Variants in ODAD1 observed in about 807,000 individuals in gnomAD.
The protein encoded by ODAD1 is outer dynein arm docking complex subunit 1.
In ODAD1, 49 loss-of-function variants were observed where a neutral mutation model predicts 67.2. The observed-to-expected ratio is 0.73, with a 90% CI of 0.58 to 0.92. ODAD1 has a LOEUF of 0.92. ODAD1 is among the 40% of genes least tolerant of loss of function. ODAD1 has a pLI of 0.00. For missense variants in ODAD1, 897 were observed against 953.7 expected, an observed-to-expected ratio of 0.94 and a Z score of 0.78; for synonymous variants, 345 against 393.7, an observed-to-expected ratio of 0.88 and a Z score of 1.46.
chr19:48,297,410 C>T lies in ODAD1; in HGVS notation c.1690G>A (p.Gly564Ser), dbSNP rs1449817807. 2.7e-5 allele frequency: 43 copies of T among 1,605,354 alleles called. No individual in the cohort carries two copies. The highest frequency in any genetic ancestry group is 3.4e-5 in the Non-Finnish European group (40 of 1,179,836). Residue 564 changes from glycine (G) to serine (S), a missense_variant, in exon 16 of 16, where the codon GGC becomes AGC. Coordinates refer to ENST00000674294, the MANE Select transcript of ODAD1 (RefSeq NM_001364171.2). ...GTGGGCACCAGGACGGTACTGGAGC[C>T]GGCCCTCTGGGTGCTGGCCAGGTCC... is the stretch of plus-strand genomic sequence containing the variant. ...SVDLASTQRA[G>S]SSTVLVPTRH...
intron 8 of ODAD1, 144 bp downstream of exon 8, chr19:48,306,112 G>A: frequency 8.1e-7 from 1 of 1,240,574 alleles, no homozygotes; most frequent in South Asian, 1.6e-5. Context: ...CTGGTGGCGG[G>A]GAGAGAGAAA....
At chr19:48,306,158 G>A (rs552190525) in intron 8 of ODAD1, 98 bp downstream of exon 8, 6 of 1,505,498 alleles carry the variant, frequency 4.0e-6, no homozygotes, top group African/African-American at 1.4e-5. Flanking sequence ...AGGTTCTGAC[G>A]TGTTTCATGA....
intron 5 of ODAD1, among the ~76,000 whole-genome samples, chr19:48,312,400 G>GTTTTTTTTTTGT (rs1968785672): frequency 1.7e-5 from 2 of 120,832 alleles, no homozygotes; most frequent in African/African-American, 3.1e-5. Flanking sequence ...ACTCCTTTCC[G>GTTTTTTTTTTGT]TTTTTTTTTT....
At chr19:48,298,142 C>T (rs1968358409) in intron 13 of ODAD1, 35 bp downstream of exon 13, 20 of 1,611,872 alleles carry the variant, frequency 1.2e-5, no homozygotes, top group Non-Finnish European at 1.7e-5. Flanking sequence ...ACCCCCGAGA[C>T]CGGCCTCCTG....
chr19:48,306,364 A>AC, intron 7 of ODAD1, 41 bp from the exon 8 acceptor site: 1 of 1,501,006 alleles, frequency 6.7e-7, no homozygotes, highest in South Asian at 1.2e-5. Flanking sequence ...ACTTCTTACA[A>AC]CCCCATTGCT....
At position 48,298,100 on chromosome 19, in the gene ODAD1, G is replaced by A. The variant is rs1968355886; in HGVS notation, c.1405-3C>T. ...GCGTCGGCCAGGGAGGTGAAGCTCT[G>A]GAGAGTGTGGGAGCCTGCGGTCAGC... On this transcript the variant is annotated splice_region_variant and splice_polypyrimidine_tract_variant and intron_variant, in intron 13 of 15. Transcript: ENST00000674294. The A allele has an allele frequency of 6.2e-7, 1 of 1,612,960 alleles. No individual in the cohort carries two copies. Among genetic ancestry groups the A allele is most frequent in the Non-Finnish European group, 8.5e-7 (1 of 1,179,740 alleles).
intron 8 of ODAD1, 98 bp from the exon 9 acceptor site, chr19:48,304,238 G>A: frequency 7.9e-7 from 1 of 1,260,198 alleles, no homozygotes; most frequent in Non-Finnish European, 1.1e-6. Flanking sequence ...TGTGGGGGGT[G>A]AGGTGGAGTC....
intron 3 of ODAD1, 172 bp downstream of exon 3, chr19:48,320,118 ACTGCCCAGG>A (rs1267061632): frequency 1.0e-6 from 1 of 985,798 alleles, no homozygotes; most frequent in Non-Finnish European, 1.3e-6. Flanking sequence ...AGCCTGCCCC[ACTGCCCAGG>A]CTTGGCCCAC....
At chr19:48,310,434 G>C (rs1481176934) in intron 7 of ODAD1, among the ~76,000 whole-genome samples, 1 of 152,102 alleles carries the variant, frequency 6.6e-6, no homozygotes, top group Admixed American at 6.5e-5. Context: ...TCACTGTAAA[G>C]GACATCACTG....
chr19:48,318,296 A>G (rs1968954306), intron 5 of ODAD1, 91 bp downstream of exon 5: 2 of 1,148,090 alleles, frequency 1.7e-6, no homozygotes, highest in Admixed American at 2.3e-5. Context: ...CCGGCCTAAT[A>G]GCCCCAATTT....
chr19:48,320,284 G>C lies in ODAD1; in HGVS notation c.70+15C>G. On this transcript the variant is annotated intron_variant, in intron 3 of 15. Coordinates refer to ENST00000674294, the MANE Select transcript of ODAD1 (RefSeq NM_001364171.2). ...GAAAAGAATGGGTGAATGATATAAA[G>C]AATGAATGAATTACCCATTCCCTCC... 1.6e-6 allele frequency: 2 copies of C among 1,257,828 alleles called. No individual in the cohort carries two copies. The highest frequency in any genetic ancestry group is 2.1e-6 in the Non-Finnish European group (2 of 960,526). 77.9% of individuals were successfully genotyped at this position (1,257,828 alleles called of 1,614,324 possible). A position where few individuals can be genotyped will look rare whatever the true frequency, so the allele number is the denominator to read the frequency against.
chr19:48,315,073 CTTTTA>C (rs774192340), intron 5 of ODAD1, among the ~76,000 whole-genome samples: 1 of 150,702 alleles, frequency 6.6e-6, no homozygotes, highest in Middle Eastern at 3.4e-3. Flanking sequence ...TTCTTTCTTT[CTTTTA>C]TTTTTTCTTT....
Position 48,303,444 on chromosome 19 carries a change from C to T in ODAD1, c.988+206G>A, listed in dbSNP as rs186801443. 6.6e-5 allele frequency: 41 copies of T among 620,188 alleles called. No individual in the cohort carries two copies. The East Asian group carries it at 1.1e-3, about 16-fold the overall frequency. 38.4% of individuals were successfully genotyped at this position (620,188 alleles called of 1,614,324 possible). On this transcript the variant is annotated intron_variant, in intron 10 of 15. Transcript: ENST00000674294. ...AAGGATGTGGAGAGTGACCCCAGGC[C>T]CAGGAGTTAGGAGGGGGTGGGGAGG...
chr19:48,303,807 G>C, intron 9 of ODAD1, 23 bp from the exon 10 acceptor site: 1 of 1,594,078 alleles, frequency 6.3e-7, no homozygotes, highest in Non-Finnish European at 8.5e-7. Flanking sequence ...AGAACAGCAG[G>C]TCGGCCTCCT....
chr19:48,296,722 C>T lies in ODAD1; in HGVS notation c.*254G>A. The T allele has an allele frequency of 1.5e-6, 2 of 1,327,436 alleles. No individual in the cohort carries two copies. Among genetic ancestry groups the T allele is most frequent in the Non-Finnish European group, 1.9e-6 (2 of 1,036,466 alleles). The allele number at this position is 1,327,436 out of a possible 1,614,324, so 82.2% of individuals were successfully genotyped here. On this transcript the variant is annotated 3_prime_UTR_variant, in exon 16 of 16. Coordinates refer to ENST00000674294, the MANE Select transcript of ODAD1 (RefSeq NM_001364171.2). ...GATATGGAGACAAGACGGACAGACA[C>T]TGACCAGGAAGCCCAGAGAACAGGA... is the stretch of plus-strand genomic sequence containing the variant.
intron 12 of ODAD1, chr19:48,301,066 A>T (rs901471310): frequency 2.0e-5 from 3 of 152,530 alleles, no homozygotes; most frequent in Non-Finnish European, 4.4e-5. Context: ...CGGAGGTTGC[A>T]GTGAGCCGAG....
Position 48,297,418 on chromosome 19 carries a change from T to A in ODAD1, c.1682A>T (p.Gln561Leu), listed in dbSNP as rs1488349914. 6.2e-6 allele frequency: 10 copies of A among 1,605,072 alleles called. No individual in the cohort carries two copies. Among genetic ancestry groups the A allele is most frequent in the Non-Finnish European group, 8.5e-6 (10 of 1,179,798 alleles). ...GTLSVDLAST[Q>L]RAGSSTVLVP... The stretch of plus-strand genomic sequence containing the variant: ...CAGGACGGTACTGGAGCCGGCCCTC[T>A]GGGTGCTGGCCAGGTCCACGCTCAG... The change falls in exon 16 of 16, where the codon CAG (glutamine) becomes CTG (leucine). Residue 561 changes from glutamine (Q) to leucine (L), a missense_variant. Gln to Leu is a moderately radical substitution (Grantham distance 113). Coordinates refer to ENST00000674294, the MANE Select transcript of ODAD1 (RefSeq NM_001364171.2).
intron 7 of ODAD1, among the ~76,000 whole-genome samples, chr19:48,308,118 C>T (rs1456411212): frequency 6.6e-6 from 1 of 151,826 alleles, no homozygotes; most frequent in East Asian, 1.9e-4. Context: ...TCAGAATACA[C>T]TAATGCTCAC....
At chr19:48,311,854 G>T in intron 6 of ODAD1, 140 bp downstream of exon 6, 1 of 861,442 alleles carries the variant, frequency 1.2e-6, no homozygotes, top group Non-Finnish European at 1.8e-6. Flanking sequence ...CCTTTCCTTG[G>T]GAACCTCCAT....
Sources: allele counts gnomAD v4.1 joint callset (sites outside exome capture counted in the v4.1 genomes callset), GRCh38; gene constraint gnomAD v4.1.1; transcripts MANE v1.5; gene names NCBI Gene and HGNC (gene_info 2026-07-23, HGNC 2026-07-21).